Variants in PACRGL observed in about 807,000 individuals in gnomAD.
PACRGL encodes PACRG-like protein.
In PACRGL, 38 loss-of-function variants were observed where a neutral mutation model predicts 34.5. The observed-to-expected ratio is 1.10, with a 90% CI of 0.85 to 1.44. The LOEUF is 1.44. PACRGL is among the 40% of genes most tolerant of loss of function. The probability of loss-of-function intolerance (pLI) is 0.00; values close to 1 mark genes in which losing one functional copy is unlikely to be tolerated. For missense variants in PACRGL, 305 were observed against 281.4 expected (o/e 1.08, Z -0.60); for synonymous variants, 128 against 100.1 (o/e 1.28, Z -1.66).
intron 7 of PACRGL, among the ~76,000 whole-genome samples, chr4:20,717,150 C>A (rs542599656): frequency 2.0e-5 from 3 of 152,174 alleles, no homozygotes; most frequent in Non-Finnish European, 4.4e-5. Flanking sequence ...AGTGTCTGTT[C>A]GTATCCTTCA....
intron 8 of PACRGL, among the ~76,000 whole-genome samples, chr4:20,743,870 A>C (rs1751769092): frequency 6.6e-6 from 1 of 152,082 alleles, no homozygotes; most frequent in Admixed American, 6.6e-5. Flanking sequence ...CAACCTACTC[A>C]TCTGACAAAG....
downstream of PACRGL, among the ~76,000 whole-genome samples, chr4:20,753,463 C>T (rs539344769): frequency 2.0e-5 from 3 of 152,216 alleles, no homozygotes; most frequent in South Asian, 2.1e-4. Flanking sequence ...ATATCGAGAA[C>T]ACAGTGAATA....
At chr4:20,702,433 T>C (rs964019) in intron 1 of PACRGL, among the ~76,000 whole-genome samples, 75,294 of 152,016 alleles carry the variant, frequency 0.5, 19,080 homozygotes, top group African/African-American at 0.58. Context: ...AACATGTGGT[T>C]TCACTATTAG....
chr4:20,762,686 A>G, the PACRGL span, among the ~76,000 whole-genome samples: 15 of 152,230 alleles, frequency 9.9e-5, no homozygotes, highest in African/African-American at 3.1e-4. Context: ...CTGCTGTAAA[A>G]TTAGGCCTTC....
intron 3 of PACRGL, among the ~76,000 whole-genome samples, chr4:20,705,246 C>T (rs970572381): frequency 6.6e-6 from 1 of 152,128 alleles, no homozygotes; most frequent in Admixed American, 6.6e-5. Context: ...TTTGCCCTCT[C>T]CTAACAATTT....
intron 1 of PACRGL, among the ~76,000 whole-genome samples, chr4:20,703,924 G>T (rs1038347253): frequency 3.3e-5 from 5 of 152,190 alleles, no homozygotes; most frequent in African/African-American, 1.2e-4. Flanking sequence ...CAGAAAACTG[G>T]TGGTACCCTG....
intron 6 of PACRGL, 42 bp from the exon 7 acceptor site, chr4:20,713,390 T>C: frequency 6.8e-7 from 1 of 1,468,978 alleles, no homozygotes; most frequent in Non-Finnish European, 9.5e-7. Flanking sequence ...TTCTCCTCTC[T>C]TCCCTGATGT....
In PACRGL at chr4:20,728,717, C is replaced by CTACTCTTAATT. The variant is rs1405435193; in HGVS notation, c.*1378_*1388dup. 2.6e-5 allele frequency: 4 copies of CTACTCTTAATT among 152,562 alleles called. No homozygotes were observed. Among genetic ancestry groups the CTACTCTTAATT allele is most frequent in the African/African-American group, 9.7e-5 (4 of 41,432 alleles). 9.5% of individuals were successfully genotyped at this position (152,562 alleles called of 1,614,324 possible). A position where few individuals can be genotyped will look rare whatever the true frequency, so the allele number is the denominator to read the frequency against. The stretch of plus-strand genomic sequence containing the variant: ...CAAATTTCAGTGTACATGTATTGTA[C>CTACTCTTAATT]TACTCTTAATTTCTACACTGGTGAT... On this transcript the variant is annotated 3_prime_UTR_variant, in exon 9 of 9. Coordinates refer to ENST00000503585, the MANE Select transcript of PACRGL (RefSeq NM_001258345.3).
Position 20,731,044 on chromosome 4 carries a change from G to A in PACRGL, c.*3703G>A, listed in dbSNP as rs1405970012. Among the ~76,000 whole-genome samples, 2 of 152,030 alleles carry A rather than the reference G, an allele frequency of 1.3e-5. No individual in the cohort carries two copies. The highest frequency in any genetic ancestry group is 2.1e-4 in the South Asian group (1 of 4,820). Reference sequence around the variant, plus strand: ...TAAAGAGAAAAACTAAAGAAACAACGGATTTCTTTGTTTTCAGGATTATTT... The same window carrying A: ...TAAAGAGAAAAACTAAAGAAACAACAGATTTCTTTGTTTTCAGGATTATTT... On this transcript the variant is annotated 3_prime_UTR_variant, in exon 9 of 9. Coordinates refer to ENST00000503585, the MANE Select transcript of PACRGL (RefSeq NM_001258345.3).
intron 8 of PACRGL, among the ~76,000 whole-genome samples, chr4:20,744,510 C>G (rs952767274): frequency 6.6e-6 from 1 of 151,908 alleles, no homozygotes; most frequent in Non-Finnish European, 1.5e-5. Context: ...AGCAAACTAT[C>G]GCAAGGACAG....
Position 20,730,964 on chromosome 4 carries a change from A to G in PACRGL, c.*3623A>G, listed in dbSNP as rs1747984500. 6.6e-6 allele frequency among the ~76,000 whole-genome samples: 1 copy of G among 152,220 alleles called. No individual in the cohort carries two copies. ...TTCTCTCAAAGACCACTGCATGGAAATCCAAGTTGAGAGACAAGCAGACAT... is the reference window on the plus strand; with the variant it reads ...TTCTCTCAAAGACCACTGCATGGAAGTCCAAGTTGAGAGACAAGCAGACAT... On this transcript the variant is annotated 3_prime_UTR_variant, in exon 9 of 9. Transcript: ENST00000503585.
Position 20,728,294 on chromosome 4 carries a change from C to A in PACRGL, c.*953C>A, listed in dbSNP as rs1043525510. 1.3e-5 allele frequency: 2 copies of A among 151,980 alleles called. No homozygotes were observed. Among genetic ancestry groups the A allele is most frequent in the African/African-American group, 4.8e-5 (2 of 41,364 alleles). The allele number at this position is 151,980 out of a possible 1,614,324, so 9.4% of individuals were successfully genotyped here. ...AATGTGTTATTTTTGCATTTCATAG[C>A]CAGAAAATACTGATGTTCACTTAAA... On this transcript the variant is annotated 3_prime_UTR_variant, in exon 9 of 9. Coordinates refer to ENST00000503585, the MANE Select transcript of PACRGL (RefSeq NM_001258345.3).
At chr4:20,759,119 AG>A in the PACRGL span, among the ~76,000 whole-genome samples, 10 of 152,342 alleles carry the variant, frequency 6.6e-5, no homozygotes, top group South Asian at 2.1e-3. Context: ...GTATCAAAGT[AG>A]GTGTAATGTA....
At chr4:20,754,891 T>C (rs896134261), downstream of PACRGL, among the ~76,000 whole-genome samples, 4 of 152,256 alleles carry the variant, frequency 2.6e-5, no homozygotes, top group African/African-American at 9.6e-5. Context: ...AAGATTTTCA[T>C]CTGCATTGGT....
At chr4:20,748,557 ATT>A (rs201477394) in intron 8 of PACRGL, among the ~76,000 whole-genome samples, 1,896 of 42,526 alleles carry the variant, frequency 0.045, 72 homozygotes, top group African/African-American at 0.12. Flanking sequence ...CACCTTCCAA[ATT>A]TTATATATAT....
chr4:20,759,986 C>G, the PACRGL span, among the ~76,000 whole-genome samples: 6 of 152,174 alleles, frequency 3.9e-5, no homozygotes. Flanking sequence ...AGAAGTTGGT[C>G]CTTCCTATCC....
chr4:20,711,539 G>A (rs1366521398), intron 5 of PACRGL, among the ~76,000 whole-genome samples: 1 of 152,136 alleles, frequency 6.6e-6, no homozygotes, highest in Non-Finnish European at 1.5e-5. Context: ...TTCAAGGAAA[G>A]GAAATGTTTG....
intron 8 of PACRGL, among the ~76,000 whole-genome samples, chr4:20,747,826 C>G (rs1411042330): frequency 6.6e-6 from 1 of 152,154 alleles, no homozygotes; most frequent in African/African-American, 2.4e-5. Context: ...TGGTGACTGG[C>G]TGGATGACAT....
chr4:20,723,750 G>T (rs910597573), intron 7 of PACRGL, among the ~76,000 whole-genome samples: 7 of 152,034 alleles, frequency 4.6e-5, no homozygotes, highest in African/African-American at 1.7e-4. Context: ...CTGACTGAAC[G>T]GGTATCTAGC....
Sources: gnomAD v4.1 joint callset for allele counts (sites outside exome capture counted in the v4.1 genomes callset) on GRCh38, gnomAD v4.1.1 for gene constraint, MANE v1.5 for transcripts, NCBI Gene and HGNC (gene_info 2026-07-23, HGNC 2026-07-21) for gene names.